The following UBTF variants were observed in gnomAD, a reference collection of about 807,000 sequenced individuals.
UBTF encodes the protein nucleolar transcription factor 1.
Under a neutral mutation model 112.3 loss-of-function variants are expected in UBTF, and 8 were observed. The observed-to-expected ratio is 0.07, with a 90% CI of 0.04 to 0.13. The LOEUF is 0.13. UBTF is among the 10% of genes least tolerant of loss of function. The pLI is 1.00. For missense variants in UBTF, 457 were observed against 982.1 expected (o/e 0.47, Z 7.15); for synonymous variants, 417 against 373.1 (o/e 1.12, Z -1.36).
chr17:44,207,312 T>C lies in UBTF; in HGVS notation c.2225A>G (p.Asp742Gly). Residue 742 changes from aspartate (D) to glycine (G), a missense_variant, in exon 21 of 21, where the codon GAT becomes GGT. Physicochemically the swap from Asp to Gly is moderately conservative, Grantham distance 94 (BLOSUM62 -1). This residue lies in a region of UBTF where 139 missense variants were observed against 157.5 expected (regional missense o/e 0.88). Coordinates refer to ENST00000436088, the MANE Select transcript of UBTF (RefSeq NM_014233.4). ...GGAGCTGCTGCCCTCGGACTCATTATCTTCATCCTCATCGTCATCCTCGTC... is the reference window on the plus strand; with the variant it reads ...GGAGCTGCTGCCCTCGGACTCATTACCTTCATCCTCATCGTCATCCTCGTC... ...DDDEDDDEDEDNESEGSSSSS... is the reference protein window; with the variant it reads ...DDDEDDDEDEGNESEGSSSSS... The C allele has an allele frequency of 6.2e-7, 1 of 1,613,012 alleles. No individual in the cohort carries two copies. The highest frequency in any genetic ancestry group is 1.1e-5 in the South Asian group (1 of 90,830).
intron 8 of UBTF, 109 bp from the exon 9 acceptor site, chr17:44,212,115 G>A (rs943527241): frequency 1.6e-5 from 19 of 1,209,848 alleles, no homozygotes; most frequent in Non-Finnish European, 1.9e-5. Flanking sequence ...GCTGGGGGTG[G>A]CTGCGCGTCA....
At chr17:44,219,046 C>A (rs1319250529) in intron 1 of UBTF, 1 of 148,912 alleles carries the variant, frequency 6.7e-6, no homozygotes, top group African/African-American at 2.5e-5. Context: ...GCGGCGGGAA[C>A]CGCCGCCTCC....
At chr17:44,208,064 G>A (rs1285243072) in intron 17 of UBTF, among the ~76,000 whole-genome samples, 153 bp from the exon 18 acceptor site, 1 of 150,338 alleles carries the variant, frequency 6.7e-6, no homozygotes, top group Non-Finnish European at 1.5e-5. Flanking sequence ...TCTGCAGAGA[G>A]CCCCTGGGAT....
In UBTF at chr17:44,208,911, A is replaced by G. The variant is rs1598219967; in HGVS notation, c.1905+441T>C. 8.3e-6 allele frequency: 3 copies of G among 359,730 alleles called. No homozygotes were observed. In the East Asian group the frequency reaches 3.6e-4, roughly 43 times the overall value. 22.3% of individuals were successfully genotyped at this position (359,730 alleles called of 1,614,324 possible). A position where few individuals can be genotyped will look rare whatever the true frequency, so the allele number is the denominator to read the frequency against. The stretch of plus-strand genomic sequence containing the variant: ...TTTAAAAGGGTGATAGTGGCTGCGG[A>G]CGGTGGCTCAAGCCTGTAGTCCCAG... On this transcript the variant is annotated intron_variant, in intron 17 of 20. Coordinates refer to ENST00000436088, the MANE Select transcript of UBTF (RefSeq NM_014233.4).
Position 44,207,541 on chromosome 17 carries a change from C to T in UBTF, c.2082G>A (p.Glu694=), listed in dbSNP as rs891144338. The part of the protein sequence containing the change: ...DEDDEDEDEE[E]EDDENGDSSE... ...AGGAGTCCCCATTCTCATCATCTTC[C>T]TCTTCTTCATCCTCGTCCTCGTCAT... is the stretch of plus-strand genomic sequence containing the variant. The change falls in exon 20 of 21, where the codon GAG becomes GAA. Residue 694 remains glutamate (E), a synonymous_variant. Transcript: ENST00000436088. 6.2e-7 allele frequency: 1 copy of T among 1,614,118 alleles called. No individual in the cohort carries two copies. The highest frequency in any genetic ancestry group is 1.3e-5 in the African/African-American group (1 of 75,010).
At position 44,211,786 on chromosome 17, in the gene UBTF, G is replaced by A. The variant is rs762701144; in HGVS notation, c.906-39C>T. ...GGGGAGAGAGGTGCAGCCCGTAAGCGAGCAGGGCAGCAGGCCTTCTCACCT... is the reference window on the plus strand; with the variant it reads ...GGGGAGAGAGGTGCAGCCCGTAAGCAAGCAGGGCAGCAGGCCTTCTCACCT... On this transcript the variant is annotated intron_variant, in intron 9 of 20. Transcript: ENST00000436088. The surrounding 1 kb of genome is among the most constrained non-coding windows in gnomAD (Gnocchi z 4.9). 13 of 1,599,396 alleles carry A rather than the reference G, an allele frequency of 8.1e-6. No homozygotes were observed. Among genetic ancestry groups the A allele is most frequent in the Middle Eastern group, 1.7e-4 (1 of 6,046 alleles).
chr17:44,213,775 G>A (rs1271385141), intron 5 of UBTF, among the ~76,000 whole-genome samples: 1 of 152,130 alleles, frequency 6.6e-6, no homozygotes, highest in Non-Finnish European at 1.5e-5. Flanking sequence ...AAGGCATGAG[G>A]GGAGATTGTG....
At chr17:44,212,041 G>A (rs1376845963) in intron 8 of UBTF, 35 bp from the exon 9 acceptor site, 1 of 1,603,650 alleles carries the variant, frequency 6.2e-7, no homozygotes, top group African/African-American at 1.3e-5. Context: ...AGGGCAATGG[G>A]GTGTGGAGTT....
Position 44,210,783 on chromosome 17 carries a change from C to G in UBTF, c.1359+9G>C, listed in dbSNP as rs1313656355. ...CCTGGGGGCACAGCGCTCCGCCAGG[C>G]AGCCTGACCTTCTTCTTCTCAGACA... On this transcript the variant is annotated intron_variant, in intron 13 of 20. Transcript: ENST00000436088. 5 of 1,558,622 alleles carry G rather than the reference C, an allele frequency of 3.2e-6. No homozygotes were observed. The highest frequency in any genetic ancestry group is 4.3e-6 in the Non-Finnish European group (5 of 1,150,834).
chr17:44,205,663 C>T lies in UBTF; in HGVS notation c.*1579G>A, dbSNP rs953558452. The T allele has an allele frequency of 1.3e-5, 2 of 152,214 alleles. No homozygotes were observed. Among genetic ancestry groups the T allele is most frequent in the Admixed American group, 6.5e-5 (1 of 15,282 alleles). The allele number at this position is 152,214 out of a possible 1,614,324, so 9.4% of individuals were successfully genotyped here. A position where few individuals can be genotyped will look rare whatever the true frequency, so the allele number is the denominator to read the frequency against. ...AGGGCCCTTCACCGTTCTTGCTCCA[C>T]CTCCGCGGCAGAGTTCCCGCTCTTC... On this transcript the variant is annotated 3_prime_UTR_variant, in exon 21 of 21. Transcript: ENST00000436088.
intron 1 of UBTF, chr17:44,219,005 G>C (rs1050560612): frequency 1.4e-5 from 2 of 139,086 alleles, no homozygotes; most frequent in Admixed American, 7.2e-5. Context: ...ACCCCGACGC[G>C]CACGGAGGAG....
chr17:44,211,459 G>A lies in UBTF; in HGVS notation c.1048-128C>T, dbSNP rs1317386142. 15 of 1,558,440 alleles carry A rather than the reference G, an allele frequency of 9.6e-6. No homozygotes were observed. Among genetic ancestry groups the A allele is most frequent in the Admixed American group, 5.1e-5 (3 of 59,348 alleles). On this transcript the variant is annotated intron_variant, in intron 10 of 20. Coordinates refer to ENST00000436088, the MANE Select transcript of UBTF (RefSeq NM_014233.4). This position sits in a 1 kb window ranked among gnomAD's most constrained non-coding sequence, Gnocchi z 4.9. ...TGTGGGCTGGACTCCCTGCCTGGACGGGCTCAGTTGCTAAGCCCAGCCCAG... is the reference window on the plus strand; with the variant it reads ...TGTGGGCTGGACTCCCTGCCTGGACAGGCTCAGTTGCTAAGCCCAGCCCAG...
At chr17:44,219,850 C>T (rs1487429331), upstream of UBTF, 2 of 150,142 alleles carry the variant, frequency 1.3e-5, no homozygotes, top group African/African-American at 2.4e-5. Context: ...CGCGTCCTTC[C>T]CCGTAGAGCG....
At position 44,211,202 on chromosome 17, in the gene UBTF, A is replaced by G. The variant is rs373814734; in HGVS notation, c.1090-50T>C. The G allele has an allele frequency of 4.4e-5, 71 of 1,612,616 alleles. No homozygotes were observed. The highest frequency in any genetic ancestry group is 5.9e-5 in the Non-Finnish European group (69 of 1,179,124). ...GCTGCATGCCTGGCACCCAGACTGC[A>G]TGGTGCCCTATCTCCAGGGGCTCAC... On this transcript the variant is annotated intron_variant, in intron 11 of 20. Transcript: ENST00000436088. The surrounding 1 kb of genome is among the most constrained non-coding windows in gnomAD (Gnocchi z 4.9).
Position 44,211,213 on chromosome 17 carries a change from T to C in UBTF, c.1090-61A>G, listed in dbSNP as rs2056655198. Reference sequence around the variant, plus strand: ...GGCACCCAGACTGCATGGTGCCCTATCTCCAGGGGCTCACCAGGGCTCTGC... The same window carrying C: ...GGCACCCAGACTGCATGGTGCCCTACCTCCAGGGGCTCACCAGGGCTCTGC... On this transcript the variant is annotated intron_variant, in intron 11 of 20. Coordinates refer to ENST00000436088, the MANE Select transcript of UBTF (RefSeq NM_014233.4). The surrounding 1 kb of genome is among the most constrained non-coding windows in gnomAD (Gnocchi z 4.9). 6.2e-6 allele frequency: 10 copies of C among 1,613,582 alleles called. No homozygotes were observed. Among genetic ancestry groups the C allele is most frequent in the African/African-American group, 4.0e-5 (3 of 75,040 alleles).
In UBTF at chr17:44,211,189, G is replaced by C. The variant is rs1295192676; in HGVS notation, c.1090-37C>G. 1 of 1,612,978 alleles carries C rather than the reference G, an allele frequency of 6.2e-7. No homozygotes were observed. The highest frequency in any genetic ancestry group is 8.5e-7 in the Non-Finnish European group (1 of 1,179,700). On this transcript the variant is annotated intron_variant, in intron 11 of 20. Transcript: ENST00000436088. This position sits in a 1 kb window ranked among gnomAD's most constrained non-coding sequence, Gnocchi z 4.9. ...AGAGGAGCACGGGGCTGCATGCCTG[G>C]CACCCAGACTGCATGGTGCCCTATC...
At chr17:44,213,035 C>A in intron 6 of UBTF, 96 bp from the exon 7 acceptor site, 1 of 1,568,904 alleles carries the variant, frequency 6.4e-7, no homozygotes, top group Non-Finnish European at 8.7e-7. Flanking sequence ...GGCCTTTCAG[C>A]TGGGGCTCAG....
intron 3 of UBTF, 158 bp downstream of exon 3, chr17:44,216,371 G>T: frequency 2.4e-6 from 2 of 843,370 alleles, no homozygotes; most frequent in Non-Finnish European, 3.8e-6. Flanking sequence ...TGTCAACCGT[G>T]CCACCTCCCA....
At chr17:44,218,602 A>AAAAAAAAAAAAAAG (rs2046976420) in intron 1 of UBTF, 1 of 207,306 alleles carries the variant, frequency 4.8e-6, no homozygotes, top group Non-Finnish European at 9.4e-6. Context: ...GCCAAAAAAA[A>AAAAAAAAAAAAAAG]AAAAAAAGAA....
Sources: allele counts gnomAD v4.1 joint callset (sites outside exome capture counted in the v4.1 genomes callset), GRCh38; gene constraint gnomAD v4.1.1; regional missense constraint gnomAD v4.1.1; non-coding constraint Gnocchi (gnomAD v3.1); transcripts MANE v1.5; gene names NCBI Gene and HGNC (gene_info 2026-07-23, HGNC 2026-07-21).